Variants in DLGAP1 observed in about 807,000 individuals in gnomAD.
DLGAP1 encodes disks large-associated protein 1.
DLGAP1 carries 11 observed loss-of-function variants against 90.8 expected under a neutral mutation model. The observed-to-expected ratio is 0.12, with a 90% CI of 0.08 to 0.20. DLGAP1 has a LOEUF of 0.20. Among genes scored for constraint, DLGAP1 ranks in the 10% least tolerant of loss-of-function variants. DLGAP1 has a pLI of 1.00. For missense variants in DLGAP1, 1,050 were observed against 1,333.8 expected, an observed-to-expected ratio of 0.79 and a Z score of 3.31; for synonymous variants, 558 against 540.7, an observed-to-expected ratio of 1.03 and a Z score of -0.44.
intron 5 of DLGAP1, among the ~76,000 whole-genome samples, chr18:3,800,403 G>A (rs746531489): frequency 4.6e-5 from 7 of 152,214 alleles, no homozygotes; most frequent in Non-Finnish European, 8.8e-5. Context: ...AACTAGGGAA[G>A]TGGTTGTATA....
intron 4 of DLGAP1, among the ~76,000 whole-genome samples, chr18:3,848,318 G>A (rs913620067): frequency 6.6e-6 from 1 of 151,644 alleles, no homozygotes; most frequent in Non-Finnish European, 1.5e-5. Flanking sequence ...GGGAGGAGAA[G>A]GACAAATATC....
intron 1 of DLGAP1, among the ~76,000 whole-genome samples, chr18:4,403,921 T>C (rs2320213): frequency 0.46 from 69,545 of 151,762 alleles, 17,184 homozygotes; most frequent in East Asian, 0.68. Context: ...CTGGCTCCCT[T>C]CTGCAGCCCT....
chr18:4,074,669 T>C (rs1405855726), intron 2 of DLGAP1, among the ~76,000 whole-genome samples: 3 of 152,158 alleles, frequency 2.0e-5, no homozygotes, highest in African/African-American at 7.2e-5. Flanking sequence ...ATTTTATTTA[T>C]GGTGTCAAAT....
chr18:4,131,902 T>G (rs1312339818), intron 2 of DLGAP1, among the ~76,000 whole-genome samples: 1 of 152,226 alleles, frequency 6.6e-6, no homozygotes, highest in Non-Finnish European at 1.5e-5. Flanking sequence ...GGTACGCAGC[T>G]GGCACAGATG....
At chr18:3,644,643 C>T (rs1199383974) in intron 7 of DLGAP1, among the ~76,000 whole-genome samples, 1 of 152,078 alleles carries the variant, frequency 6.6e-6, no homozygotes, top group African/African-American at 2.4e-5. Flanking sequence ...GAACTCCTGA[C>T]CTCAGATGAT....
At chr18:3,631,977 C>T (rs1005904531) in intron 7 of DLGAP1, among the ~76,000 whole-genome samples, 3 of 151,956 alleles carry the variant, frequency 2.0e-5, no homozygotes, top group Non-Finnish European at 2.9e-5. Context: ...GCAAGTTCTC[C>T]GTTGCCCAAG....
intron 1 of DLGAP1, among the ~76,000 whole-genome samples, chr18:4,306,522 G>A (rs1442245224): frequency 6.6e-6 from 1 of 151,846 alleles, no homozygotes; most frequent in East Asian, 1.9e-4. Context: ...AGGGGAAGGA[G>A]TGGGAGAGGG....
chr18:4,334,146 G>C (rs2081016529), intron 1 of DLGAP1, among the ~76,000 whole-genome samples: 1 of 151,556 alleles, frequency 6.6e-6, no homozygotes, highest in Non-Finnish European at 1.5e-5. Context: ...GCTGAGGCAG[G>C]AGACTTGCTT....
chr18:4,235,717 GTC>G (rs2078395565), intron 1 of DLGAP1, among the ~76,000 whole-genome samples: 1 of 101,606 alleles, frequency 9.8e-6, no homozygotes, highest in African/African-American at 3.7e-5. Context: ...CAATTTCAAT[GTC>G]TTTTTTTTTT....
intron 4 of DLGAP1, among the ~76,000 whole-genome samples, chr18:3,815,879 T>C (rs946706192): frequency 6.6e-6 from 1 of 152,176 alleles, no homozygotes; most frequent in Non-Finnish European, 1.5e-5. Context: ...GGGAGGCTGG[T>C]TCTTGCCCTC....
chr18:3,732,370 G>A (rs2062466992), intron 6 of DLGAP1, among the ~76,000 whole-genome samples: 1 of 152,156 alleles, frequency 6.6e-6, no homozygotes, highest in Non-Finnish European at 1.5e-5. Context: ...TTAATCCTTG[G>A]GAGCTGCAAA....
chr18:3,701,841 G>C (rs342484), intron 7 of DLGAP1, among the ~76,000 whole-genome samples: 46,645 of 151,992 alleles, frequency 0.31, 8,167 homozygotes, highest in African/African-American at 0.49. Flanking sequence ...AGAGAGATAA[G>C]ACAAGATGAC....
intron 3 of DLGAP1, among the ~76,000 whole-genome samples, chr18:3,930,980 G>A (rs921071027): frequency 5.9e-5 from 9 of 152,258 alleles, no homozygotes; most frequent in Non-Finnish European, 1.0e-4. Flanking sequence ...CTAACTACCC[G>A]TCTCCACCAT....
chr18:3,670,595 A>T (rs1229094978), intron 7 of DLGAP1, among the ~76,000 whole-genome samples: 1 of 148,252 alleles, frequency 6.7e-6, no homozygotes, highest in East Asian at 1.9e-4. Context: ...ATTTGGAAGA[A>T]TGGTGATTAT....
At chr18:3,555,124 T>C (rs573525135) in intron 9 of DLGAP1, among the ~76,000 whole-genome samples, 1 of 152,286 alleles carries the variant, frequency 6.6e-6, no homozygotes, top group African/African-American at 2.4e-5. Context: ...TCTAAATGAA[T>C]TACAACCAGC....
At chr18:4,116,658 AT>A (rs1459427085) in intron 2 of DLGAP1, among the ~76,000 whole-genome samples, 1 of 151,928 alleles carries the variant, frequency 6.6e-6, no homozygotes, top group Non-Finnish European at 1.5e-5. Flanking sequence ...TTTTATTTAT[AT>A]TTTTGTACTT....
intron 2 of DLGAP1, among the ~76,000 whole-genome samples, chr18:4,145,323 T>C (rs1458980112): frequency 1.3e-5 from 2 of 152,226 alleles, no homozygotes; most frequent in African/African-American, 4.8e-5. Flanking sequence ...GTTTTTAGTT[T>C]CTAAATTATT....
At chr18:4,131,708 G>A (rs1272952662) in intron 2 of DLGAP1, among the ~76,000 whole-genome samples, 2 of 152,168 alleles carry the variant, frequency 1.3e-5, no homozygotes, top group Non-Finnish European at 2.9e-5. Context: ...AAAGAGCCAG[G>A]AAAGGGTGAC....
At chr18:4,453,613 T>C (rs148554853) in intron 1 of DLGAP1, among the ~76,000 whole-genome samples, 150 of 152,264 alleles carry the variant, frequency 9.9e-4, no homozygotes, top group Non-Finnish European at 1.9e-3. Context: ...TAAAATCGCT[T>C]TCCTAGTTCT....
Sources: allele counts gnomAD v4.1 joint callset (sites outside exome capture counted in the v4.1 genomes callset), GRCh38; gene constraint gnomAD v4.1.1; transcripts MANE v1.5; gene names NCBI Gene and HGNC (gene_info 2026-07-23, HGNC 2026-07-21).